UNC80: variants seen among roughly 807,000 people sequenced by gnomAD.
UNC80 encodes protein unc-80 homolog.
UNC80 carries 164 observed loss-of-function variants against 384.6 expected under a neutral mutation model. The ratio of observed to expected loss-of-function variants is 0.43; its 90% CI spans 0.38 to 0.49. The LOEUF is 0.49. UNC80 is among the 20% of genes least tolerant of loss of function. The pLI is 0.00. For synonymous variants in UNC80, 1,486 were observed against 1,527.8 expected (o/e 0.97, Z 0.64); for missense variants, 3,330 against 4,143.0 (o/e 0.80, Z 5.39).
intron 14 of UNC80, among the ~76,000 whole-genome samples, chr2:209,828,744 T>G (rs542575060): frequency 6.6e-6 from 1 of 152,070 alleles, no homozygotes; most frequent in African/African-American, 2.4e-5. Context: ...TTATCCCTTT[T>G]CCCCTCAACC....
In UNC80 at chr2:209,978,632, C is replaced by T. The variant is rs961943990; in HGVS notation, c.9042C>T (p.Val3014=). 3.5e-5 allele frequency: 55 copies of T among 1,551,428 alleles called. No homozygotes were observed. Among genetic ancestry groups the T allele is most frequent in the Non-Finnish European group, 4.5e-5 (52 of 1,146,868 alleles). Residue 3014 remains valine, a synonymous_variant, in exon 59 of 65, where the codon GTC becomes GTT. Coordinates refer to ENST00000673920, the MANE Select transcript of UNC80 (RefSeq NM_001371986.1). ...GCTCTAACACGGGCACGGGCACTGT[C>T]TGGGAGCAGGACAGTGAGCCATCCC... The part of the protein sequence containing the change: ...MSRSNTGTGT[V]WEQDSEPSQQ...
chr2:209,942,790 G>A, intron 44 of UNC80, among the ~76,000 whole-genome samples: 1 of 151,160 alleles, frequency 6.6e-6, no homozygotes, highest in Non-Finnish European at 1.5e-5. Context: ...AAAAGATAAG[G>A]CTCACTTAAA....
intron 7 of UNC80, chr2:209,809,181 G>A: frequency 1.6e-6 from 1 of 644,754 alleles, no homozygotes; most frequent in Admixed American, 2.4e-5. Context: ...TCCCAGGCTT[G>A]GGCCAAGTGT....
At chr2:209,834,216 A>C in intron 17 of UNC80, 48 bp downstream of exon 17, 1 of 1,536,598 alleles carries the variant, frequency 6.5e-7, no homozygotes, top group Non-Finnish European at 8.8e-7. Flanking sequence ...TTAAGTCAGT[A>C]GAATAAAATC....
intron 7 of UNC80, among the ~76,000 whole-genome samples, chr2:209,810,873 A>G (rs2079297163): frequency 6.6e-6 from 1 of 152,042 alleles, no homozygotes; most frequent in Admixed American, 6.6e-5. Context: ...GAGGACCTAA[A>G]ATTACCCAGC....
At chr2:209,838,146 G>A (rs2081470781) in intron 18 of UNC80, among the ~76,000 whole-genome samples, 1 of 151,850 alleles carries the variant, frequency 6.6e-6, no homozygotes, top group African/African-American at 2.4e-5. Context: ...CTCTGTCAAG[G>A]GCGGTGATAT....
Position 209,844,895 on chromosome 2 carries a change from G to C in UNC80, c.3454+2449G>C, listed in dbSNP as rs142366391. Among the ~76,000 whole-genome samples the C allele has an allele frequency of 2.4e-4, 37 of 151,926 alleles. No homozygotes were observed. The Middle Eastern group carries it at 0.014, about 56-fold the overall frequency. ...TGGGATTACAGGCATGAACCACCAT[G>C]CCTGCCCTAATATTTCTTCTTAAGT... On this transcript the variant is annotated intron_variant, in intron 21 of 64. Coordinates refer to ENST00000673920, the MANE Select transcript of UNC80 (RefSeq NM_001371986.1).
chr2:209,784,467 C>T (rs1225068370), intron 4 of UNC80, among the ~76,000 whole-genome samples: 2 of 152,086 alleles, frequency 1.3e-5, no homozygotes, highest in African/African-American at 2.4e-5. Context: ...GCTTTTCTCA[C>T]ATTCACTTGA....
intron 28 of UNC80, among the ~76,000 whole-genome samples, chr2:209,903,651 A>AAT (rs373274674): frequency 2.1e-5 from 2 of 96,382 alleles, no homozygotes; most frequent in South Asian, 6.5e-4. Context: ...GTATATATGT[A>AAT]ATATATATAT....
At chr2:209,877,615 T>C (rs1428084068) in intron 23 of UNC80, among the ~76,000 whole-genome samples, 1 of 152,144 alleles carries the variant, frequency 6.6e-6, no homozygotes, top group Non-Finnish European at 1.5e-5. Flanking sequence ...AACAAAATCC[T>C]CCATTAAAAG....
intron 27 of UNC80, among the ~76,000 whole-genome samples, chr2:209,894,996 C>T (rs1393510420): frequency 2.6e-5 from 4 of 152,138 alleles, no homozygotes. Context: ...GCCTACAATG[C>T]AAGGATGCTC....
rs770421507 is a variant in UNC80, at chr2:209,918,031, A to G, written c.5211+73A>G. ...AGGTTTGTTTAAACCGTTGAACCTC[A>G]AAGTCACAGTATGTGGCCAAAGATA... is the stretch of plus-strand genomic sequence containing the variant. On this transcript the variant is annotated intron_variant, in intron 32 of 64. Coordinates refer to ENST00000673920, the MANE Select transcript of UNC80 (RefSeq NM_001371986.1). 321 of 1,420,444 alleles carry G rather than the reference A, an allele frequency of 2.3e-4. 1 individual carries two copies. Among genetic ancestry groups the G allele is most frequent in the Middle Eastern group, 5.5e-4 (3 of 5,472 alleles). 88.0% of individuals were successfully genotyped at this position (1,420,444 alleles called of 1,614,324 possible).
At position 209,826,433 on chromosome 2, in the gene UNC80, T is replaced by A. The variant is rs370876266; in HGVS notation, c.2478+380T>A. On this transcript the variant is annotated intron_variant, in intron 14 of 64. Coordinates refer to ENST00000673920, the MANE Select transcript of UNC80 (RefSeq NM_001371986.1). ...TCTGCCTGGGTACTGTAGAAACATA[T>A]TGCATATTGGAGAAAGGGGTCAAAG... Among the ~76,000 whole-genome samples, 21 of 152,296 alleles carry A rather than the reference T, an allele frequency of 1.4e-4. No individual in the cohort carries two copies. In the East Asian group the frequency reaches 1.5e-3, roughly 11 times the overall value.
chr2:209,895,434 C>T (rs2086712221), intron 27 of UNC80, among the ~76,000 whole-genome samples: 1 of 152,200 alleles, frequency 6.6e-6, no homozygotes, highest in African/African-American at 2.4e-5. Context: ...TCCACCCACC[C>T]TCGCCTTTGA....
At chr2:209,938,710 C>CTCTCTCTCTGTGTGTG (rs1491352008) in intron 42 of UNC80, among the ~76,000 whole-genome samples, 7 of 83,510 alleles carry the variant, frequency 8.4e-5, no homozygotes, top group African/African-American at 2.7e-4. Flanking sequence ...CTCTCTCTCT[C>CTCTCTCTCTGTGTGTG]TGTGTGTGTG....
At chr2:209,899,120 C>T (rs1014841787) in intron 28 of UNC80, among the ~76,000 whole-genome samples, 3 of 152,138 alleles carry the variant, frequency 2.0e-5, no homozygotes, top group African/African-American at 7.2e-5. Flanking sequence ...CAGCTGATAA[C>T]TTCAATATAT....
At chr2:209,993,813 A>G (rs1368261506) in intron 63 of UNC80, among the ~76,000 whole-genome samples, 3 of 152,250 alleles carry the variant, frequency 2.0e-5, no homozygotes, top group Admixed American at 6.5e-5. Flanking sequence ...ATCAACTTCA[A>G]TTAATATTCT....
At chr2:209,916,041 C>A (rs1481455940) in intron 31 of UNC80, among the ~76,000 whole-genome samples, 1 of 151,732 alleles carries the variant, frequency 6.6e-6, no homozygotes, top group Non-Finnish European at 1.5e-5. Context: ...TAATTTTTTT[C>A]AAAAAGAAAT....
chr2:209,831,647 T>G lies in UNC80; in HGVS notation c.2775+56T>G, dbSNP rs1356518201. 4.2e-6 allele frequency: 6 copies of G among 1,427,802 alleles called. No homozygotes were observed. In the Admixed American group the frequency reaches 9.3e-5, roughly 22 times the overall value. 88.4% of individuals were successfully genotyped at this position (1,427,802 alleles called of 1,614,324 possible). ...CTCTCAGTCTCTGCCCTGAGAAAAG[T>G]ACTCATTGTCGTGGCCATGAGTAAG... On this transcript the variant is annotated intron_variant, in intron 16 of 64. Coordinates refer to ENST00000673920, the MANE Select transcript of UNC80 (RefSeq NM_001371986.1).
Sources: allele counts gnomAD v4.1 joint callset (sites outside exome capture counted in the v4.1 genomes callset), GRCh38; gene constraint gnomAD v4.1.1; transcripts MANE v1.5; gene names NCBI Gene and HGNC (gene_info 2026-07-23, HGNC 2026-07-21).